CDH12: variants seen among roughly 807,000 people sequenced by gnomAD.
CDH12 encodes cadherin-12.
In CDH12, 41 loss-of-function variants were observed where a neutral mutation model predicts 74.1. That is an observed-to-expected ratio of 0.55 (90% CI 0.43 to 0.72). The LOEUF is 0.72. Ranked by LOEUF, CDH12 falls within the 30% of genes least tolerant of loss-of-function variation. The pLI, the probability that CDH12 is intolerant of heterozygous loss-of-function variation, is 0.00. For missense variants in CDH12, 945 were observed against 977.2 expected (o/e 0.97, Z 0.44); for synonymous variants, 399 against 355.0 (o/e 1.12, Z -1.39).
chr5:22,583,069 G>A (rs1740186252), intron 1 of CDH12, among the ~76,000 whole-genome samples: 1 of 151,094 alleles, frequency 6.6e-6, no homozygotes, highest in Admixed American at 6.6e-5. Context: ...CAAATTTCAG[G>A]GCACTCATCT....
At position 21,930,523 on chromosome 5, in the gene CDH12, C is replaced by T. The variant is rs1754785486; in HGVS notation, c.526+44568G>A. On this transcript the variant is annotated intron_variant, in intron 6 of 14. Transcript: ENST00000382254. ...TCACATTATCCTAGCTTGCAAGATA[C>T]ATAATAGGGTTGTCCTGATTATAAC... is the stretch of plus-strand genomic sequence containing the variant. 4.6e-5 allele frequency among the ~76,000 whole-genome samples: 7 copies of T among 152,282 alleles called. No homozygotes were observed. In the South Asian group the frequency reaches 1.5e-3, roughly 32 times the overall value.
chr5:22,322,281 T>G (rs1738916495), intron 3 of CDH12, among the ~76,000 whole-genome samples: 1 of 151,824 alleles, frequency 6.6e-6, no homozygotes, highest in Non-Finnish European at 1.5e-5. Flanking sequence ...AGGCCAAGCA[T>G]TAAAAAGTAA....
chr5:22,237,427 G>T (rs1489369913), intron 3 of CDH12, among the ~76,000 whole-genome samples: 2 of 152,126 alleles, frequency 1.3e-5, no homozygotes, highest in African/African-American at 4.8e-5. Flanking sequence ...GCCTTTACAG[G>T]TTGGGCCTTT....
intron 1 of CDH12, among the ~76,000 whole-genome samples, chr5:22,665,575 T>C (rs1740572415): frequency 6.6e-6 from 1 of 152,166 alleles, no homozygotes; most frequent in Non-Finnish European, 1.5e-5. Flanking sequence ...GTTTAAACCT[T>C]CCTCATCTTA....
At chr5:22,745,214 T>G (rs999704084) in intron 1 of CDH12, among the ~76,000 whole-genome samples, 3 of 152,056 alleles carry the variant, frequency 2.0e-5, no homozygotes, top group African/African-American at 7.2e-5. Context: ...ATTAGTATCA[T>G]GGTACTAAGT....
chr5:21,790,918 G>C (rs1184634234), intron 10 of CDH12, among the ~76,000 whole-genome samples: 1 of 151,914 alleles, frequency 6.6e-6, no homozygotes. Context: ...CAAATATCCA[G>C]GCTCTATTTC....
intron 3 of CDH12, among the ~76,000 whole-genome samples, chr5:22,372,708 C>A (rs1024189094): frequency 2.6e-5 from 4 of 152,138 alleles, no homozygotes; most frequent in African/African-American, 9.7e-5. Context: ...CCCGTAGCTG[C>A]CTTCCCACAC....
At chr5:21,770,362 G>C (rs546614764) in intron 11 of CDH12, among the ~76,000 whole-genome samples, 1 of 152,166 alleles carries the variant, frequency 6.6e-6, no homozygotes, top group East Asian at 1.9e-4. Flanking sequence ...GGTGGCTCAC[G>C]CCTGTAATCT....
intron 3 of CDH12, among the ~76,000 whole-genome samples, chr5:22,285,171 C>A (rs1035236944): frequency 6.6e-6 from 1 of 152,058 alleles, no homozygotes; most frequent in Non-Finnish European, 1.5e-5. Context: ...GTAAGAATTT[C>A]TCTACTTAAT....
At chr5:22,317,904 T>C (rs1422320794) in intron 3 of CDH12, among the ~76,000 whole-genome samples, 1 of 152,208 alleles carries the variant, frequency 6.6e-6, no homozygotes, top group Non-Finnish European at 1.5e-5. Flanking sequence ...AATCTGTATT[T>C]TTGGCCTAAA....
At chr5:22,412,834 T>C (rs953574690) in intron 2 of CDH12, among the ~76,000 whole-genome samples, 2 of 152,024 alleles carry the variant, frequency 1.3e-5, no homozygotes, top group Middle Eastern at 3.2e-3. Flanking sequence ...ACCTCTATTC[T>C]TTCCTCTGCA....
At chr5:22,460,641 T>C (rs1268186258) in intron 2 of CDH12, among the ~76,000 whole-genome samples, 2 of 151,316 alleles carry the variant, frequency 1.3e-5, no homozygotes, top group African/African-American at 2.4e-5. Context: ...GAAATGCAAA[T>C]GTTATAATCT....
intron 11 of CDH12, among the ~76,000 whole-genome samples, chr5:21,776,854 A>G (rs940829808): frequency 1.3e-5 from 2 of 152,222 alleles, no homozygotes; most frequent in Non-Finnish European, 2.9e-5. Context: ...CATTGAGCAC[A>G]AGGTGAAAAA....
chr5:21,995,169 C>T (rs1231314875), intron 5 of CDH12, among the ~76,000 whole-genome samples: 2 of 151,932 alleles, frequency 1.3e-5, no homozygotes, highest in Non-Finnish European at 2.9e-5. Context: ...GAACACTCAC[C>T]GCGATCACGG....
rs2150087552 is a variant in CDH12, at chr5:21,938,554, G to A, written c.526+36537C>T. On this transcript the variant is annotated intron_variant, in intron 6 of 14. Coordinates refer to ENST00000382254, the MANE Select transcript of CDH12 (RefSeq NM_004061.5). ...GAAATGCTGTCTATAGGTAGACACAGAGAGACAAGAATCAAAGCCTCTTCT... is the reference window on the plus strand; with the variant it reads ...GAAATGCTGTCTATAGGTAGACACAAAGAGACAAGAATCAAAGCCTCTTCT... 2.0e-5 allele frequency among the ~76,000 whole-genome samples: 3 copies of A among 149,514 alleles called. No individual in the cohort carries two copies. The Admixed American group carries it at 2.0e-4, about 10-fold the overall frequency.
intron 3 of CDH12, among the ~76,000 whole-genome samples, chr5:22,266,009 G>A (rs1021606247): frequency 6.6e-6 from 1 of 151,578 alleles, no homozygotes; most frequent in African/African-American, 2.4e-5. Flanking sequence ...TTAAATATGT[G>A]TGATGCCTAA....
intron 3 of CDH12, among the ~76,000 whole-genome samples, chr5:22,276,646 G>A (rs1394050183): frequency 3.3e-5 from 5 of 152,162 alleles, no homozygotes; most frequent in African/African-American, 1.2e-4. Flanking sequence ...TAATAATTAT[G>A]AAGTACTAGG....
intron 4 of CDH12, among the ~76,000 whole-genome samples, chr5:22,159,209 G>A (rs1179239365): frequency 1.3e-5 from 2 of 152,102 alleles, no homozygotes; most frequent in African/African-American, 2.4e-5. Context: ...AAGGACAAAA[G>A]AGAGACAGGA....
chr5:22,835,469 T>A (rs1210766047), intron 1 of CDH12, among the ~76,000 whole-genome samples: 1 of 152,130 alleles, frequency 6.6e-6, no homozygotes, highest in African/African-American at 2.4e-5. Context: ...CTTTTAGGAG[T>A]AAAAAATAGA....
Sources: gnomAD v4.1 joint callset for allele counts (sites outside exome capture counted in the v4.1 genomes callset) on GRCh38, gnomAD v4.1.1 for gene constraint, MANE v1.5 for transcripts, NCBI Gene and HGNC (gene_info 2026-07-23, HGNC 2026-07-21) for gene names.